Variants in ATP6V0D2 observed in about 807,000 individuals in gnomAD.
The protein encoded by ATP6V0D2 is V-type proton ATPase subunit d 2.
Under a neutral mutation model 40.0 loss-of-function variants are expected in ATP6V0D2, and 40 were observed. The ratio of observed to expected loss-of-function variants is 1.00; its 90% confidence interval spans 0.78 to 1.30. The LOEUF is 1.30. ATP6V0D2 is among the 50% of genes most tolerant of loss of function. The pLI, the probability that ATP6V0D2 is intolerant of heterozygous loss-of-function variation, is 0.00. For synonymous variants in ATP6V0D2, 179 were observed against 156.3 expected (o/e 1.15, Z -1.08); for missense variants, 470 against 423.1 (o/e 1.11, Z -0.97).
At chr8:86,140,160 G>T (rs551163398) in intron 3 of ATP6V0D2, among the ~76,000 whole-genome samples, 2 of 152,214 alleles carry the variant, frequency 1.3e-5, no homozygotes, top group South Asian at 4.1e-4. Flanking sequence ...ATGATGAAAT[G>T]ATTGTTAATT....
intron 5 of ATP6V0D2, among the ~76,000 whole-genome samples, chr8:86,145,389 A>G (rs1819054927): frequency 6.6e-6 from 1 of 151,172 alleles, no homozygotes; most frequent in South Asian, 2.1e-4. Context: ...AAAAGAAAAG[A>G]AAAGAAAAGA....
chr8:86,102,476 GA>G (rs1203416199), intron 1 of ATP6V0D2, among the ~76,000 whole-genome samples: 1 of 152,176 alleles, frequency 6.6e-6, no homozygotes, highest in African/African-American at 2.4e-5. Flanking sequence ...TTCTGTAAAA[GA>G]AAAACTAACT....
intron 7 of ATP6V0D2, 96 bp from the exon 8 acceptor site, chr8:86,152,720 A>T: frequency 8.0e-7 from 1 of 1,243,626 alleles, no homozygotes; most frequent in East Asian, 2.6e-5. Context: ...AAACACAAAT[A>T]AGCACTGCAC....
chr8:86,099,690 C>T (rs1022909001), intron 1 of ATP6V0D2, among the ~76,000 whole-genome samples: 3 of 152,148 alleles, frequency 2.0e-5, no homozygotes, highest in African/African-American at 7.2e-5. Flanking sequence ...GACGGGTTTT[C>T]ACCATGTTGG....
chr8:86,106,225 T>A (rs1319093727), intron 1 of ATP6V0D2, among the ~76,000 whole-genome samples: 1 of 152,052 alleles, frequency 6.6e-6, no homozygotes, highest in Non-Finnish European at 1.5e-5. Context: ...CTCAATCTCC[T>A]AGGCTCAAGT....
At chr8:86,109,309 T>A (rs1228982785) in intron 1 of ATP6V0D2, among the ~76,000 whole-genome samples, 1 of 152,176 alleles carries the variant, frequency 6.6e-6, no homozygotes, top group Non-Finnish European at 1.5e-5. Context: ...GGAAAAAAAA[T>A]TCAGTGAACT....
chr8:86,108,237 G>A (rs989877914), intron 1 of ATP6V0D2, among the ~76,000 whole-genome samples: 2 of 152,108 alleles, frequency 1.3e-5, no homozygotes. Context: ...CACCTCCCAG[G>A]CTCAAGCAAT....
chr8:86,152,231 T>C (rs1435021157), intron 7 of ATP6V0D2, among the ~76,000 whole-genome samples: 2 of 152,182 alleles, frequency 1.3e-5, no homozygotes, highest in South Asian at 2.1e-4. Context: ...GCTTTATCCA[T>C]GTCCCTGCAA....
rs145948378 is a variant in ATP6V0D2, at chr8:86,150,644, C to T, written c.816+356C>T. Among the ~76,000 whole-genome samples, 89 of 152,182 alleles carry T rather than the reference C, an allele frequency of 5.8e-4. No homozygotes were observed. The East Asian group carries it at 0.016, about 28-fold the overall frequency. The stretch of plus-strand genomic sequence containing the variant: ...ATGTAAAATAGTCTAACCCAGCAGC[C>T]CTTTCAGGTACCCACTAGGGAAACA... On this transcript the variant is annotated intron_variant, in intron 6 of 7. Coordinates refer to ENST00000285393, the MANE Select transcript of ATP6V0D2 (RefSeq NM_152565.1).
At chr8:86,139,771 G>A (rs564623989) in intron 3 of ATP6V0D2, 136 bp downstream of exon 3, 1 of 840,792 alleles carries the variant, frequency 1.2e-6, no homozygotes, top group Admixed American at 3.2e-5. Flanking sequence ...GAATACAGTA[G>A]CATACCATGC....
intron 2 of ATP6V0D2, among the ~76,000 whole-genome samples, chr8:86,118,431 G>C (rs1168426984): frequency 6.6e-6 from 1 of 151,836 alleles, no homozygotes; most frequent in African/African-American, 2.4e-5. Flanking sequence ...TATCTGCAAG[G>C]CCCTTCCTAA....
chr8:86,122,917 G>T (rs907077790), intron 2 of ATP6V0D2, among the ~76,000 whole-genome samples: 4 of 152,168 alleles, frequency 2.6e-5, no homozygotes, highest in African/African-American at 9.6e-5. Flanking sequence ...AGGTTGACCA[G>T]GTGAAGGGCT....
chr8:86,139,681 C>G (rs750535309), intron 3 of ATP6V0D2, 46 bp downstream of exon 3: 1 of 1,497,760 alleles, frequency 6.7e-7, no homozygotes, highest in Admixed American at 2.4e-5. Context: ...TATGTTATCA[C>G]AGTCATTAGA....
intron 2 of ATP6V0D2, among the ~76,000 whole-genome samples, chr8:86,115,357 C>CCTTTTT (rs1586088786): frequency 5.0e-5 from 4 of 79,502 alleles, no homozygotes; most frequent in African/African-American, 1.2e-4. Context: ...CCGTATCATC[C>CCTTTTT]ATTTTTTTTT....
chr8:86,119,773 G>C (rs914805640), intron 2 of ATP6V0D2, among the ~76,000 whole-genome samples: 4 of 152,120 alleles, frequency 2.6e-5, no homozygotes, highest in African/African-American at 4.8e-5. Context: ...GGTTTTGGTA[G>C]TATCAGTATT....
rs201127035 is a variant in ATP6V0D2 at position 86,150,187 on chromosome 8, A to C, written c.715A>C (p.Thr239Pro). 2.3e-4 allele frequency: 366 copies of C among 1,613,072 alleles called. 1 individual carries two copies. Among genetic ancestry groups the C allele is most frequent in the Non-Finnish European group, 3.0e-4 (350 of 1,179,830 alleles). The change falls in exon 6 of 8, where the codon ACC becomes CCC. Residue 239 changes from threonine to proline, a missense_variant. Coordinates refer to ENST00000285393, the MANE Select transcript of ATP6V0D2 (RefSeq NM_152565.1). ...GTELSKEDRETLYPTFGKLYP... is the reference protein window; with the variant it reads ...GTELSKEDREPLYPTFGKLYP... ...TGAATTGAGCAAAGAAGACCGAGAG[A>C]CCCTCTATCCAACCTTCGGCAAACT...
At chr8:86,123,186 G>A (rs1818695867) in intron 2 of ATP6V0D2, among the ~76,000 whole-genome samples, 1 of 152,082 alleles carries the variant, frequency 6.6e-6, no homozygotes, top group Non-Finnish European at 1.5e-5. Flanking sequence ...CCTGTTCTTA[G>A]GATTATTGTG....
intron 1 of ATP6V0D2, among the ~76,000 whole-genome samples, chr8:86,104,334 C>T (rs12682430): frequency 0.37 from 56,503 of 151,890 alleles, 12,460 homozygotes; most frequent in East Asian, 0.51. Flanking sequence ...GCCACCACAA[C>T]CAGCCAGGAA....
chr8:86,138,125 G>A (rs1818922285), intron 2 of ATP6V0D2, among the ~76,000 whole-genome samples: 1 of 152,104 alleles, frequency 6.6e-6, no homozygotes, highest in East Asian at 1.9e-4. Flanking sequence ...CTCGGCCCAG[G>A]CAAAGGAAAC....
Sources: allele counts gnomAD v4.1 joint callset (sites outside exome capture counted in the v4.1 genomes callset), GRCh38; gene constraint gnomAD v4.1.1; transcripts MANE v1.5; gene names NCBI Gene and HGNC (gene_info 2026-07-23, HGNC 2026-07-21).